SMURF1: variants seen among roughly 807,000 people sequenced by gnomAD.
The protein encoded by SMURF1 is E3 ubiquitin-protein ligase SMURF1.
SMURF1 carries 44 observed loss-of-function variants against 98.0 expected under a neutral mutation model. That is an observed-to-expected ratio of 0.45 (90% CI 0.35 to 0.58). The LOEUF (loss-of-function observed/expected upper bound fraction) is 0.58, where lower values mean the gene tolerates loss of function less well. Ranked by LOEUF, SMURF1 falls within the 20% of genes least tolerant of loss-of-function variation. SMURF1 has a pLI of 0.00. For synonymous variants in SMURF1, 396 were observed against 374.9 expected (o/e 1.06, Z -0.65); for missense variants, 687 against 938.4 (o/e 0.73, Z 3.50).
rs531582941 is a variant in SMURF1 at position 99,090,350 on chromosome 7, A to G, written c.56-28513T>C. Among the ~76,000 whole-genome samples the G allele has an allele frequency of 2.0e-5, 3 of 152,170 alleles. No individual in the cohort carries two copies. In the East Asian group the frequency reaches 5.8e-4, roughly 29 times the overall value. ...TAGAACTAGTTGATCATGGGTTGGG[A>G]GCTATAAACCTACCCCTTCCTTTCC... On this transcript the variant is annotated intron_variant, in intron 1 of 17. Coordinates refer to ENST00000361368, the MANE Select transcript of SMURF1 (RefSeq NM_181349.3).
At chr7:99,102,244 A>G (rs1406757973) in intron 1 of SMURF1, among the ~76,000 whole-genome samples, 1 of 152,212 alleles carries the variant, frequency 6.6e-6, no homozygotes, top group Non-Finnish European at 1.5e-5. Context: ...AATTATTTCA[A>G]TATTTTGTTG....
chr7:99,099,411 T>A (rs1339867795), intron 1 of SMURF1, among the ~76,000 whole-genome samples: 1 of 152,170 alleles, frequency 6.6e-6, no homozygotes, highest in Non-Finnish European at 1.5e-5. Flanking sequence ...AACACTGAAC[T>A]GAATTGATTC....
At chr7:99,137,252 A>G (rs763158263) in intron 1 of SMURF1, among the ~76,000 whole-genome samples, 6 of 152,186 alleles carry the variant, frequency 3.9e-5, no homozygotes, top group Non-Finnish European at 7.3e-5. Flanking sequence ...AATAATTCAT[A>G]ACTACTCATT....
intron 3 of SMURF1, among the ~76,000 whole-genome samples, chr7:99,059,281 C>G (rs1470186935): frequency 6.8e-6 from 1 of 147,504 alleles, no homozygotes; most frequent in Non-Finnish European, 1.5e-5. Flanking sequence ...GCCTGTAGTC[C>G]TAGCTACTTG....
At position 99,047,594 on chromosome 7, in the gene SMURF1, C is replaced by T. The variant is rs1363870258; in HGVS notation, c.1152+90G>A. On this transcript the variant is annotated intron_variant, in intron 10 of 17. Coordinates refer to ENST00000361368, the MANE Select transcript of SMURF1 (RefSeq NM_181349.3). ...CACAAAGCAGTTCATTTAAAGCAGC[C>T]CTTGAAAACAATCGCATTTGAGATT... The T allele has an allele frequency of 8.9e-6, 12 of 1,352,296 alleles. No individual in the cohort carries two copies. In the African/African-American group the frequency reaches 1.6e-4, roughly 18 times the overall value. 83.8% of individuals were successfully genotyped at this position (1,352,296 alleles called of 1,614,324 possible). A position where few individuals can be genotyped will look rare whatever the true frequency, so the allele number is the denominator to read the frequency against.
intron 1 of SMURF1, among the ~76,000 whole-genome samples, chr7:99,136,278 A>G (rs969078312): frequency 6.6e-6 from 1 of 152,206 alleles, no homozygotes; most frequent in African/African-American, 2.4e-5. Flanking sequence ...TTTTCTGTGA[A>G]TTGTCCATAT....
At chr7:99,090,953 A>G (rs1424418203) in intron 1 of SMURF1, among the ~76,000 whole-genome samples, 1 of 152,198 alleles carries the variant, frequency 6.6e-6, no homozygotes, top group African/African-American at 2.4e-5. Flanking sequence ...TTGGCAAGCT[A>G]CTGCCTGTGT....
chr7:99,143,426 G>C (rs1316149951), intron 1 of SMURF1, among the ~76,000 whole-genome samples: 3 of 145,232 alleles, frequency 2.1e-5, no homozygotes, highest in Non-Finnish European at 4.6e-5. Flanking sequence ...GAGATGCAAG[G>C]GGCGTGGCCA....
intron 1 of SMURF1, among the ~76,000 whole-genome samples, chr7:99,134,623 C>T (rs1797946268): frequency 6.6e-6 from 1 of 152,114 alleles, no homozygotes; most frequent in African/African-American, 2.4e-5. Context: ...AAATTAAAAA[C>T]AATCCCTTAA....
At chr7:99,107,926 C>T (rs1326842607) in intron 1 of SMURF1, among the ~76,000 whole-genome samples, 1 of 152,178 alleles carries the variant, frequency 6.6e-6, no homozygotes, top group Non-Finnish European at 1.5e-5. Context: ...TGACAAGTAT[C>T]CCAAACGTGT....
At chr7:99,130,327 C>T (rs1797844840) in intron 1 of SMURF1, among the ~76,000 whole-genome samples, 1 of 152,142 alleles carries the variant, frequency 6.6e-6, no homozygotes, top group African/African-American at 2.4e-5. Context: ...GTGGCACATG[C>T]CTGTAGTTCC....
chr7:99,060,183 G>T (rs1795995805), intron 3 of SMURF1, among the ~76,000 whole-genome samples: 1 of 151,926 alleles, frequency 6.6e-6, no homozygotes, highest in Non-Finnish European at 1.5e-5. Context: ...TTCAAGACCA[G>T]CCTGGCCAAC....
intron 1 of SMURF1, among the ~76,000 whole-genome samples, chr7:99,109,314 T>C (rs981427520): frequency 6.6e-6 from 1 of 152,172 alleles, no homozygotes; most frequent in African/African-American, 2.4e-5. Flanking sequence ...TAGCCCCAGG[T>C]TGTCCTCAGG....
chr7:99,133,983 C>A (rs563293560), intron 1 of SMURF1, among the ~76,000 whole-genome samples: 1 of 151,716 alleles, frequency 6.6e-6, no homozygotes, highest in African/African-American at 2.4e-5. Context: ...CAGGGGGGTG[C>A]GGCTGAGGGA....
In SMURF1 at chr7:99,049,572, T is replaced by C; in HGVS notation, c.944A>G (p.His315Arg). Residue 315 changes from histidine (H) to arginine (R), a missense_variant, in exon 9 of 18, where the codon CAC (histidine) becomes CGC (arginine). Coordinates refer to ENST00000361368, the MANE Select transcript of SMURF1 (RefSeq NM_181349.3). ...TTQFTDPRLH[H>R]IMNHQCQLKE... ...ATTTTTAAAGTCTTACTTCATGATG[T>C]GGTGTAACCTTGGGTCTGTAAACTG... The C allele has an allele frequency of 6.2e-7, 1 of 1,613,302 alleles. No individual in the cohort carries two copies. The highest frequency in any genetic ancestry group is 1.1e-5 in the South Asian group (1 of 90,768).
chr7:99,035,482 G>A (rs370530287), intron 16 of SMURF1, 33 bp downstream of exon 16: 71 of 1,611,672 alleles, frequency 4.4e-5, no homozygotes, highest in Middle Eastern at 3.5e-4. Flanking sequence ...ACATAGACGC[G>A]TCATCGAATA....
At chr7:99,097,291 TGA>T (rs1280441645) in intron 1 of SMURF1, among the ~76,000 whole-genome samples, 1 of 152,130 alleles carries the variant, frequency 6.6e-6, no homozygotes, top group African/African-American at 2.4e-5. Flanking sequence ...AGAGAGGGAA[TGA>T]GGCAAAAACA....
chr7:99,143,890 G>A lies in SMURF1; in HGVS notation c.-110C>T. On this transcript the variant is annotated 5_prime_UTR_variant, in exon 1 of 18. Transcript: ENST00000361368. Reference sequence around the variant, plus strand: ...GGTTACGGCTCCGGGCTGGGCGCCGGGGTCCGAGCCGGGACACAAACTCCG... The same window carrying A: ...GGTTACGGCTCCGGGCTGGGCGCCGAGGTCCGAGCCGGGACACAAACTCCG... The A allele has an allele frequency of 9.7e-7, 1 of 1,029,352 alleles. No individual in the cohort carries two copies. 63.8% of individuals were successfully genotyped at this position (1,029,352 alleles called of 1,614,324 possible). A position where few individuals can be genotyped will look rare whatever the true frequency, so the allele number is the denominator to read the frequency against.
chr7:99,038,604 G>C (rs370751313), intron 13 of SMURF1, 79 bp from the exon 14 acceptor site: 1 of 1,535,290 alleles, frequency 6.5e-7, no homozygotes, highest in African/African-American at 1.4e-5. Context: ...AAACATTTAC[G>C]ACTGCCAAAC....
Sources: allele counts gnomAD v4.1 joint callset (sites outside exome capture counted in the v4.1 genomes callset), GRCh38; gene constraint gnomAD v4.1.1; transcripts MANE v1.5; gene names NCBI Gene and HGNC (gene_info 2026-07-23, HGNC 2026-07-21).